Variants in EFCAB6 observed in about 807,000 individuals in gnomAD.
EFCAB6 encodes EF-hand calcium-binding domain-containing protein 6.
Under a neutral mutation model 169.8 loss-of-function variants are expected in EFCAB6, and 156 were observed. The observed-to-expected ratio is 0.92, with a 90% CI of 0.81 to 1.05. The LOEUF is 1.05. Ranked by LOEUF, EFCAB6 falls within the 50% of genes least tolerant of loss-of-function variation. The pLI, the probability that EFCAB6 is intolerant of heterozygous loss-of-function variation, is 0.00. For missense variants in EFCAB6, 1,800 were observed against 1,829.1 expected, an observed-to-expected ratio of 0.98 and a Z score of 0.29; for synonymous variants, 698 against 676.4, an observed-to-expected ratio of 1.03 and a Z score of -0.50.
chr22:43,787,802 A>G lies in EFCAB6; in HGVS notation c.-7-5477T>C, dbSNP rs1452044043. 2.0e-5 allele frequency among the ~76,000 whole-genome samples: 3 copies of G among 151,496 alleles called. No individual in the cohort carries two copies. The East Asian group carries it at 5.8e-4, about 29-fold the overall frequency. ...GATCATGAAAAATAAAAATAAGATC[A>G]TGAAAAATAAAAATAAAGTTGGAGG... On this transcript the variant is annotated intron_variant, in intron 2 of 31. Transcript: ENST00000262726.
At chr22:43,586,108 T>C (rs1161559825) in intron 24 of EFCAB6, among the ~76,000 whole-genome samples, 1 of 152,066 alleles carries the variant, frequency 6.6e-6, no homozygotes, top group African/African-American at 2.4e-5. Context: ...TAAAATAACA[T>C]CTTTTTTTTC....
At chr22:43,588,966 T>G (rs2051263010) in intron 24 of EFCAB6, among the ~76,000 whole-genome samples, 1 of 152,142 alleles carries the variant, frequency 6.6e-6, no homozygotes, top group Non-Finnish European at 1.5e-5. Context: ...TAAGTTTTCT[T>G]GTGTTTCCAT....
chr22:43,738,245 CACAT>C (rs2060236081), intron 6 of EFCAB6, among the ~76,000 whole-genome samples: 1 of 151,612 alleles, frequency 6.6e-6, no homozygotes, highest in South Asian at 2.1e-4. Context: ...CCATCACACA[CACAT>C]ATATTCACTC....
At position 43,757,336 on chromosome 22, in the gene EFCAB6, T is replaced by C. The variant is rs527953930; in HGVS notation, c.441-1504A>G. On this transcript the variant is annotated intron_variant, in intron 5 of 31. Coordinates refer to ENST00000262726, the MANE Select transcript of EFCAB6 (RefSeq NM_022785.4). ...ACTGAGGCGGGAGGATCACCTGAGG[T>C]TGGGAGTTGGAGGCCAGCCTTACCA... 9.9e-5 allele frequency among the ~76,000 whole-genome samples: 15 copies of C among 152,018 alleles called. 1 individual carries two copies. In the East Asian group the frequency reaches 2.9e-3, roughly 29 times the overall value.
chr22:43,613,728 A>G (rs1370649666), intron 21 of EFCAB6, among the ~76,000 whole-genome samples: 1 of 152,180 alleles, frequency 6.6e-6, no homozygotes, highest in Non-Finnish European at 1.5e-5. Context: ...ATTTACTTAT[A>G]TAATAAACCT....
chr22:43,621,151 C>T (rs1265925123), intron 20 of EFCAB6, among the ~76,000 whole-genome samples: 5 of 150,272 alleles, frequency 3.3e-5, no homozygotes, highest in African/African-American at 9.8e-5. Flanking sequence ...TGCAGTGGTG[C>T]GATCTCGGCT....
chr22:43,720,694 G>A (rs1161037437), intron 8 of EFCAB6, among the ~76,000 whole-genome samples: 1 of 151,802 alleles, frequency 6.6e-6, no homozygotes, highest in Non-Finnish European at 1.5e-5. Flanking sequence ...GAGGAAGAAG[G>A]ACTTGTGAGG....
chr22:43,545,064 G>A (rs536282429), intron 27 of EFCAB6, among the ~76,000 whole-genome samples: 17 of 152,210 alleles, frequency 1.1e-4, no homozygotes, highest in South Asian at 1.0e-3. Context: ...GGAGAATGGC[G>A]TGAACCCAGG....
intron 23 of EFCAB6, among the ~76,000 whole-genome samples, chr22:43,597,668 A>T (rs1434554566): frequency 6.6e-6 from 1 of 152,236 alleles, no homozygotes; most frequent in Non-Finnish European, 1.5e-5. Context: ...TGTGAAACAC[A>T]GTACGGCAAT....
chr22:43,808,582 C>T (rs2062999012), intron 2 of EFCAB6, among the ~76,000 whole-genome samples: 1 of 152,130 alleles, frequency 6.6e-6, no homozygotes, highest in Admixed American at 6.5e-5. Context: ...TGAACTTTAG[C>T]TATTTGGTAG....
chr22:43,735,887 C>G lies in EFCAB6; in HGVS notation c.614G>C (p.Cys205Ser). Reference sequence around the variant, plus strand: ...GTATTCCTCGTCTCTTAACTTCATACAGAAGGTCTCCAGAACCCTTCTTAG... The same window carrying G: ...GTATTCCTCGTCTCTTAACTTCATAGAGAAGGTCTCCAGAACCCTTCTTAG... ...QELRRVLETF[C>S]MKLRDEEYEK... The change falls in exon 7 of 32, where the codon TGT (cysteine) becomes TCT (serine). Residue 205 changes from cysteine (C) to serine (S), a missense_variant. Cys to Ser is a moderately radical substitution (Grantham distance 112). Coordinates refer to ENST00000262726, the MANE Select transcript of EFCAB6 (RefSeq NM_022785.4). The G allele has an allele frequency of 6.2e-7, 1 of 1,614,122 alleles. No individual in the cohort carries two copies. Among genetic ancestry groups the G allele is most frequent in the Non-Finnish European group, 8.5e-7 (1 of 1,180,014 alleles).
intron 27 of EFCAB6, among the ~76,000 whole-genome samples, chr22:43,546,762 A>C (rs1032559554): frequency 2.0e-5 from 3 of 151,700 alleles, no homozygotes; most frequent in African/African-American, 4.8e-5. Flanking sequence ...AATCCCAGCT[A>C]TTCGGGAGGC....
At chr22:43,746,216 T>C (rs751857349) in intron 6 of EFCAB6, among the ~76,000 whole-genome samples, 5 of 152,202 alleles carry the variant, frequency 3.3e-5, no homozygotes, top group Non-Finnish European at 5.9e-5. Flanking sequence ...GCAGTTGCCC[T>C]CGCAGGCCAA....
In EFCAB6 at chr22:43,689,561, G is replaced by A. The variant is rs528792981; in HGVS notation, c.1032-1980C>T. 3.9e-5 allele frequency among the ~76,000 whole-genome samples: 6 copies of A among 152,274 alleles called. No homozygotes were observed. The South Asian group carries it at 1.2e-3, about 32-fold the overall frequency. The stretch of plus-strand genomic sequence containing the variant: ...TCCAAAACCCATCAACAGCGCTCAT[G>A]AAAGCAAACACCTTTGAACGCTTGA... On this transcript the variant is annotated intron_variant, in intron 10 of 31. Transcript: ENST00000262726.
At chr22:43,746,169 G>A (rs1020641487) in intron 6 of EFCAB6, among the ~76,000 whole-genome samples, 2 of 152,154 alleles carry the variant, frequency 1.3e-5, no homozygotes, top group Non-Finnish European at 2.9e-5. Flanking sequence ...CAAAAGCCTC[G>A]CCTCCCTGCC....
chr22:43,582,712 G>A (rs1420691282), intron 24 of EFCAB6, among the ~76,000 whole-genome samples: 1 of 152,098 alleles, frequency 6.6e-6, no homozygotes, highest in African/African-American at 2.4e-5. Flanking sequence ...GCAGGGGGTG[G>A]GAGGGCACCA....
At chr22:43,600,661 T>TTTTTG (rs2052442886) in intron 22 of EFCAB6, among the ~76,000 whole-genome samples, 1 of 152,092 alleles carries the variant, frequency 6.6e-6, no homozygotes, top group Non-Finnish European at 1.5e-5. Flanking sequence ...TTTTTTTTGT[T>TTTTTG]TTTTGTTTTG....
At chr22:43,542,113 C>T (rs866828893) in intron 27 of EFCAB6, among the ~76,000 whole-genome samples, 103 of 152,312 alleles carry the variant, frequency 6.8e-4, no homozygotes, top group African/African-American at 2.1e-3. Flanking sequence ...GAGCTGGACT[C>T]GGAGCTGAGG....
chr22:43,695,005 C>T (rs536489581), intron 10 of EFCAB6, among the ~76,000 whole-genome samples: 2 of 151,828 alleles, frequency 1.3e-5, no homozygotes, highest in Non-Finnish European at 2.9e-5. Flanking sequence ...ATTGTCATAG[C>T]CAGTAAAATA....
Sources: gnomAD v4.1 joint callset for allele counts (sites outside exome capture counted in the v4.1 genomes callset) on GRCh38, gnomAD v4.1.1 for gene constraint, MANE v1.5 for transcripts, NCBI Gene and HGNC (gene_info 2026-07-23, HGNC 2026-07-21) for gene names.